Variants in CC2D2A observed in about 807,000 individuals in gnomAD.
The protein encoded by CC2D2A is coiled-coil and C2 domain containing 2A, also known as coiled-coil and C2 domain-containing protein 2A.
Under a neutral mutation model 212.9 loss-of-function variants are expected in CC2D2A, and 155 were observed. The observed-to-expected ratio is 0.73, with a 90% CI of 0.64 to 0.83. The LOEUF (loss-of-function observed/expected upper bound fraction) is 0.83. Ranked by LOEUF, CC2D2A falls within the 40% of genes least tolerant of loss-of-function variation. The pLI, the probability that CC2D2A is intolerant of heterozygous loss-of-function variation, is 0.00. For missense variants in CC2D2A, 1,856 were observed against 1,956.2 expected, an observed-to-expected ratio of 0.95 and a Z score of 0.97; for synonymous variants, 667 against 686.5, an observed-to-expected ratio of 0.97 and a Z score of 0.44.
chr4:15,591,418 C>A (rs1721101654), intron 33 of CC2D2A, among the ~76,000 whole-genome samples: 1 of 152,054 alleles, frequency 6.6e-6, no homozygotes, highest in Non-Finnish European at 1.5e-5. Flanking sequence ...GGGGTTTCTC[C>A]ATGTTGGTCA....
chr4:15,560,493 A>C (rs1233588550), intron 22 of CC2D2A, 38 bp from the exon 23 acceptor site: 4 of 1,105,944 alleles, frequency 3.6e-6, no homozygotes, highest in African/African-American at 3.1e-5. Context: ...ACGAAGTTTA[A>C]ATAATAACAT....
intron 3 of CC2D2A, 64 bp from the exon 4 acceptor site, chr4:15,480,640 C>T (rs1264629424): frequency 2.2e-5 from 34 of 1,539,954 alleles, no homozygotes; most frequent in Non-Finnish European, 2.9e-5. Context: ...CCCATCTTCC[C>T]AAGAGAGGAA....
At chr4:15,542,157 A>G (rs1467871073) in intron 17 of CC2D2A, among the ~76,000 whole-genome samples, 6 of 152,026 alleles carry the variant, frequency 3.9e-5, no homozygotes, top group Non-Finnish European at 8.8e-5. Flanking sequence ...TTCATCCTTA[A>G]CTAATGATAT....
chr4:15,564,238 T>A (rs1174878515), intron 24 of CC2D2A: 1 of 152,172 alleles, frequency 6.6e-6, no homozygotes, highest in African/African-American at 2.4e-5. Flanking sequence ...TAAAACTTCT[T>A]TTTTTTTGTA....
At chr4:15,477,195 G>T (rs1052140669) in intron 2 of CC2D2A, among the ~76,000 whole-genome samples, 1 of 151,964 alleles carries the variant, frequency 6.6e-6, no homozygotes, top group African/African-American at 2.4e-5. Flanking sequence ...CCAGCTACTT[G>T]GGAGGCTGAG....
chr4:15,509,949 T>C (rs1343488488), intron 6 of CC2D2A, among the ~76,000 whole-genome samples, 190 bp from the exon 7 acceptor site: 2 of 152,214 alleles, frequency 1.3e-5, no homozygotes, highest in Non-Finnish European at 2.9e-5. Context: ...ATGCATGCAG[T>C]TCTACAGGCT....
intron 28 of CC2D2A, among the ~76,000 whole-genome samples, chr4:15,572,038 A>G (rs1276660001): frequency 1.3e-5 from 2 of 152,162 alleles, no homozygotes; most frequent in Non-Finnish European, 2.9e-5. Context: ...TAATCTATAT[A>G]CTTCCCTGTA....
chr4:15,508,803 T>C (rs900641609), intron 6 of CC2D2A, among the ~76,000 whole-genome samples: 36 of 152,374 alleles, frequency 2.4e-4, no homozygotes, highest in African/African-American at 7.9e-4. Flanking sequence ...TATTCCATGC[T>C]GTGAAATAAT....
intron 35 of CC2D2A, among the ~76,000 whole-genome samples, chr4:15,597,774 A>C (rs1292260225): frequency 6.6e-6 from 1 of 152,218 alleles, no homozygotes; most frequent in Non-Finnish European, 1.5e-5. Flanking sequence ...TCTCAGCTTA[A>C]ATATACCTCT....
At chr4:15,543,392 G>A (rs1273879431) in intron 17 of CC2D2A, among the ~76,000 whole-genome samples, 7 of 152,172 alleles carry the variant, frequency 4.6e-5, no homozygotes, top group Non-Finnish European at 1.0e-4. Flanking sequence ...GAGAAAGCAA[G>A]TAGAAAATGG....
chr4:15,596,118 C>G lies in CC2D2A; in HGVS notation c.4348C>G (p.Leu1450Val). The change falls in exon 34 of 37, where the codon CTA becomes GTA. Residue 1450 changes from leucine (L) to valine (V), a missense_variant. Physicochemically the swap from Leu to Val is conservative, Grantham distance 32. Around this residue, in one of 5 missense-constraint regions of CC2D2A, gnomAD observed 285 missense variants for 278.4 expected, o/e 1.02. Coordinates refer to ENST00000424120, the MANE Select transcript of CC2D2A (RefSeq NM_001378615.1). ...WFNIQRYESPLRINFDVTRPK... is the reference protein window; with the variant it reads ...WFNIQRYESPVRINFDVTRPK... ...TAATATTCAACGATATGAATCTCCACTAAGGATAAATTTTGATGTCACCAG... is the reference window on the plus strand; with the variant it reads ...TAATATTCAACGATATGAATCTCCAGTAAGGATAAATTTTGATGTCACCAG... The G allele has an allele frequency of 6.5e-7, 1 of 1,549,488 alleles. No individual in the cohort carries two copies.
At chr4:15,533,367 A>G (rs1272144666) in intron 14 of CC2D2A, 34 bp downstream of exon 14, 1 of 1,412,528 alleles carries the variant, frequency 7.1e-7, no homozygotes, top group African/African-American at 1.5e-5. Flanking sequence ...TTATTGGGCT[A>G]TATCATACAT....
At chr4:15,553,500 A>G (rs1175827619) in intron 19 of CC2D2A, among the ~76,000 whole-genome samples, 195 bp downstream of exon 19, 1 of 152,278 alleles carries the variant, frequency 6.6e-6, no homozygotes, top group East Asian at 1.9e-4. Context: ...TAAAATATTA[A>G]TAGCCTAAGA....
At chr4:15,532,087 A>C (rs957492353) in intron 13 of CC2D2A, among the ~76,000 whole-genome samples, 7 of 152,238 alleles carry the variant, frequency 4.6e-5, no homozygotes, top group African/African-American at 1.4e-4. Flanking sequence ...CAATCCAGCT[A>C]GTAAATAGTA....
intron 33 of CC2D2A, among the ~76,000 whole-genome samples, chr4:15,591,570 G>A (rs1721110100): frequency 6.6e-6 from 1 of 152,098 alleles, no homozygotes; most frequent in African/African-American, 2.4e-5. Flanking sequence ...GATAATATAT[G>A]CCAAGCACGC....
In CC2D2A at chr4:15,570,458, G is replaced by A. The variant is rs766459026; in HGVS notation, c.3556G>A (p.Val1186Met). ...TATTGAGAGACACTGGCTGGGATGT[G>A]TGAAAATGCCATTTAGCACAATATA... is the stretch of plus-strand genomic sequence containing the variant. ...TRIERHWLGC[V>M]KMPFSTIYFQ... Residue 1186 changes from valine (V) to methionine (M), a missense_variant, in exon 28 of 37, where the codon GTG (valine) becomes ATG (methionine). Physicochemically the swap from Val to Met is conservative, Grantham distance 21 (BLOSUM62 1). Coordinates refer to ENST00000424120, the MANE Select transcript of CC2D2A (RefSeq NM_001378615.1). The A allele has an allele frequency of 8.1e-6, 13 of 1,608,436 alleles. No individual in the cohort carries two copies. The highest frequency in any genetic ancestry group is 1.1e-5 in the Non-Finnish European group (13 of 1,176,758).
intron 30 of CC2D2A, among the ~76,000 whole-genome samples, chr4:15,581,537 C>T (rs527988031): frequency 6.6e-6 from 1 of 152,318 alleles, no homozygotes; most frequent in East Asian, 1.9e-4. Flanking sequence ...CATGGGGCTA[C>T]AGCAGCCTGG....
chr4:15,559,095 T>C, intron 21 of CC2D2A, 70 bp from the exon 22 acceptor site: 1 of 887,390 alleles, frequency 1.1e-6, no homozygotes, highest in Non-Finnish European at 1.7e-6. Flanking sequence ...TCATATGTGA[T>C]AAATAATTAC....
At chr4:15,556,933 C>A (rs1455186772) in intron 20 of CC2D2A, among the ~76,000 whole-genome samples, 1 of 152,196 alleles carries the variant, frequency 6.6e-6, no homozygotes, top group Non-Finnish European at 1.5e-5. Flanking sequence ...ATTAAAAAGT[C>A]ATATATTCGA....
Sources: allele counts gnomAD v4.1 joint callset (sites outside exome capture counted in the v4.1 genomes callset), GRCh38; gene constraint gnomAD v4.1.1; regional missense constraint gnomAD v4.1.1; transcripts MANE v1.5; gene names NCBI Gene and HGNC (gene_info 2026-07-23, HGNC 2026-07-21).